Variants in NBEA observed in about 807,000 individuals in gnomAD.
NBEA encodes the protein lysosomal-trafficking regulator 2.
In NBEA, 44 loss-of-function variants were observed where a neutral mutation model predicts 343.4. That is an observed-to-expected ratio of 0.13 (90% CI 0.10 to 0.16). NBEA has a LOEUF of 0.16. Ranked by LOEUF, NBEA falls within the 10% of genes least tolerant of loss-of-function variation. The pLI is 1.00. For missense variants in NBEA, 2,555 were observed against 3,631.3 expected (o/e 0.70, Z 7.62); for synonymous variants, 1,175 against 1,238.7 (o/e 0.95, Z 1.08).
At chr13:35,037,918 C>A (rs992034494) in intron 1 of NBEA, among the ~76,000 whole-genome samples, 3 of 152,208 alleles carry the variant, frequency 2.0e-5, no homozygotes, top group Non-Finnish European at 2.9e-5. Context: ...GGGCCTGTGT[C>A]CTTCTCTTCA....
At chr13:34,977,229 TGCGCCCA>T in intron 1 of NBEA, among the ~76,000 whole-genome samples, 1 of 151,448 alleles carries the variant, frequency 6.6e-6, no homozygotes, top group East Asian at 2.0e-4. Flanking sequence ...TGTGAGCCAC[TGCGCCCA>T]GCTAGACCTA....
At chr13:35,308,451 T>TACAC (rs1452956219) in intron 35 of NBEA, among the ~76,000 whole-genome samples, 3 of 116,754 alleles carry the variant, frequency 2.6e-5, no homozygotes, top group Admixed American at 1.8e-4. Flanking sequence ...TATATATATA[T>TACAC]ATATATATAT....
At chr13:35,543,994 T>C (rs1458129728) in intron 41 of NBEA, among the ~76,000 whole-genome samples, 1 of 152,134 alleles carries the variant, frequency 6.6e-6, no homozygotes. Context: ...GCATGGATGA[T>C]CTCATATGAG....
At chr13:35,082,844 A>G (rs184367506) in intron 10 of NBEA, among the ~76,000 whole-genome samples, 2 of 152,196 alleles carry the variant, frequency 1.3e-5, no homozygotes, top group East Asian at 3.9e-4. Flanking sequence ...GTAGATTGCA[A>G]AAATTTTCTC....
At chr13:35,215,535 A>T (rs2074018967) in intron 33 of NBEA, among the ~76,000 whole-genome samples, 1 of 151,726 alleles carries the variant, frequency 6.6e-6, no homozygotes, top group Non-Finnish European at 1.5e-5. Flanking sequence ...ATAGCAAATC[A>T]GTGATTGCCT....
intron 37 of NBEA, among the ~76,000 whole-genome samples, chr13:35,350,514 G>C (rs2040135223): frequency 6.6e-6 from 1 of 151,884 alleles, no homozygotes; most frequent in Non-Finnish European, 1.5e-5. Flanking sequence ...TCACTCTTAG[G>C]AATGAGATTA....
chr13:35,328,960 A>T (rs940474378), intron 36 of NBEA, among the ~76,000 whole-genome samples: 4 of 152,004 alleles, frequency 2.6e-5, no homozygotes, highest in Non-Finnish European at 4.4e-5. Context: ...AGATAGACAG[A>T]TCAACGGAAG....
At chr13:34,958,164 G>A (rs1210516450) in intron 1 of NBEA, among the ~76,000 whole-genome samples, 1 of 151,788 alleles carries the variant, frequency 6.6e-6, no homozygotes, top group African/African-American at 2.4e-5. Flanking sequence ...TTCTTTTAAT[G>A]TGACTACTTA....
chr13:35,317,218 T>C (rs995768401), intron 36 of NBEA, among the ~76,000 whole-genome samples: 2 of 152,220 alleles, frequency 1.3e-5, no homozygotes, highest in African/African-American at 4.8e-5. Context: ...TGCCTAGGTT[T>C]TCTTCTAGGG....
intron 38 of NBEA, among the ~76,000 whole-genome samples, chr13:35,361,370 T>C (rs2040796355): frequency 1.3e-5 from 2 of 152,088 alleles, no homozygotes; most frequent in Non-Finnish European, 2.9e-5. Context: ...ACTTGGGACT[T>C]TAAGAATGCA....
intron 33 of NBEA, among the ~76,000 whole-genome samples, chr13:35,213,836 C>G (rs1352942946): frequency 6.6e-6 from 1 of 151,828 alleles, no homozygotes; most frequent in African/African-American, 2.4e-5. Flanking sequence ...TCCACATAAC[C>G]ACCACCACAA....
intron 36 of NBEA, among the ~76,000 whole-genome samples, chr13:35,332,037 C>T (rs914078205): frequency 8.6e-5 from 13 of 151,916 alleles, no homozygotes; most frequent in Non-Finnish European, 1.8e-4. Context: ...TGTTCTTCTT[C>T]CCACATAACA....
At chr13:35,610,352 T>C (rs1202686027) in intron 48 of NBEA, among the ~76,000 whole-genome samples, 4 of 151,960 alleles carry the variant, frequency 2.6e-5, no homozygotes, top group Non-Finnish European at 5.9e-5. Context: ...GAGATTGCGC[T>C]ACTGCACTCC....
rs567262468 is a variant in NBEA, at chr13:35,206,482, C to T, written c.5367-2218C>T. Among the ~76,000 whole-genome samples the T allele has an allele frequency of 3.2e-4, 49 of 152,182 alleles. No homozygotes were observed. The South Asian group carries it at 8.5e-3, about 26-fold the overall frequency. The stretch of plus-strand genomic sequence containing the variant: ...AATCGACAGTTGATGGTTTTGTTTT[C>T]TTGCTGGAGAGTCAATGAAATAGTA... On this transcript the variant is annotated intron_variant, in intron 31 of 58. Transcript: ENST00000379939.
chr13:35,609,877 T>A (rs1265003829), intron 48 of NBEA, among the ~76,000 whole-genome samples: 1 of 152,172 alleles, frequency 6.6e-6, no homozygotes, highest in Admixed American at 6.5e-5. Flanking sequence ...GTCAGTGGTC[T>A]TGGTGAGAAG....
intron 31 of NBEA, among the ~76,000 whole-genome samples, chr13:35,197,236 A>T (rs898151829): frequency 1.3e-5 from 2 of 152,198 alleles, no homozygotes; most frequent in African/African-American, 4.8e-5. Context: ...TACCTTTTAA[A>T]GTAAATCATT....
intron 1 of NBEA, among the ~76,000 whole-genome samples, chr13:34,991,104 A>G (rs1041971699): frequency 6.6e-5 from 10 of 152,218 alleles, no homozygotes; most frequent in Non-Finnish European, 1.5e-4. Context: ...ACAACAGTTT[A>G]ACAAGTCTTT....
intron 38 of NBEA, among the ~76,000 whole-genome samples, chr13:35,384,717 G>A (rs1158084200): frequency 6.6e-6 from 1 of 151,722 alleles, no homozygotes; most frequent in Admixed American, 6.6e-5. Context: ...GTAGAGACGG[G>A]GTTTCACCAT....
chr13:35,011,437 A>G (rs912718076), intron 1 of NBEA, among the ~76,000 whole-genome samples: 3 of 152,198 alleles, frequency 2.0e-5, no homozygotes, highest in Non-Finnish European at 4.4e-5. Context: ...GAATACTATA[A>G]TATACAAATT....
Sources: allele counts gnomAD v4.1 joint callset (sites outside exome capture counted in the v4.1 genomes callset), GRCh38; gene constraint gnomAD v4.1.1; transcripts MANE v1.5; gene names NCBI Gene and HGNC (gene_info 2026-07-23, HGNC 2026-07-21).